Variants in CALHM4 observed in about 807,000 individuals in gnomAD.
CALHM4 encodes the protein calcium homeostasis modulator family member 4.
Under a neutral mutation model 13.3 loss-of-function variants are expected in CALHM4, and 16 were observed. The observed-to-expected ratio is 1.20, with a 90% CI of 0.81 to 1.82. CALHM4 has a LOEUF of 1.82. CALHM4 is among the 40% of genes most tolerant of loss of function. CALHM4 has a pLI of 0.00. For synonymous variants in CALHM4, 127 were observed against 137.1 expected (o/e 0.93, Z 0.52); for missense variants, 344 against 374.9 (o/e 0.92, Z 0.68).
chr6:116,530,942 T>TAC (rs1772676226), intron 1 of CALHM4, among the ~76,000 whole-genome samples: 1 of 137,320 alleles, frequency 7.3e-6, no homozygotes, highest in African/African-American at 2.7e-5. Context: ...TATATATATA[T>TAC]ATGTTACTAA....
chr6:116,550,159 G>A (rs1774009922), upstream of CALHM4, among the ~76,000 whole-genome samples: 1 of 151,596 alleles, frequency 6.6e-6, no homozygotes, highest in Non-Finnish European at 1.5e-5. Flanking sequence ...TATTCCTTGT[G>A]ACACTTTTTA....
At chr6:116,539,979 C>T (rs1336305661) in intron 1 of CALHM4, among the ~76,000 whole-genome samples, 1 of 152,102 alleles carries the variant, frequency 6.6e-6, no homozygotes, top group Non-Finnish European at 1.5e-5. Flanking sequence ...AATGACTAAA[C>T]AATATTCTTT....
At position 116,558,324 on chromosome 6, in the gene CALHM4, G is replaced by A. The variant is rs1774436728; in HGVS notation, c.*113G>A. 7 of 1,107,396 alleles carry A rather than the reference G, an allele frequency of 6.3e-6. No homozygotes were observed. Among genetic ancestry groups the A allele is most frequent in the Non-Finnish European group, 1.3e-6 (1 of 795,470 alleles). 68.6% of individuals were successfully genotyped at this position (1,107,396 alleles called of 1,614,324 possible). Reference sequence around the variant, plus strand: ...ATCTTTTTCTTTCTCTCTGATATTTGTTTACGTAAGTCCATCTCAAATATT... The same window carrying A: ...ATCTTTTTCTTTCTCTCTGATATTTATTTACGTAAGTCCATCTCAAATATT... On this transcript the variant is annotated 3_prime_UTR_variant, in exon 2 of 2. Coordinates refer to ENST00000368596, the MANE Select transcript of CALHM4 (RefSeq NM_001366078.2).
At position 116,540,411 on chromosome 6, in the gene CALHM4, G is replaced by A. The variant is rs373649602; in HGVS notation, c.-108-3354G>A. The stretch of plus-strand genomic sequence containing the variant: ...CTGAATAACTATGGCATCTTCCCAC[G>A]CAGGATCGAGCCAAAAAGTCTTCCA... On this transcript the variant is annotated intron_variant, in intron 1 of 2. Transcript: ENST00000368597. The A allele has an allele frequency of 2.0e-4, 306 of 1,551,254 alleles. No homozygotes were observed. The African/African-American group carries it at 3.6e-3, about 18-fold the overall frequency.
At chr6:116,540,475 G>C in intron 1 of CALHM4, 1 of 1,548,386 alleles carries the variant, frequency 6.5e-7, no homozygotes. Context: ...GTGGATGACG[G>C]AAAGAGTGTG....
chr6:116,545,967 G>T (rs1011839934), intron 2 of CALHM4, among the ~76,000 whole-genome samples: 3 of 152,212 alleles, frequency 2.0e-5, no homozygotes, highest in Non-Finnish European at 2.9e-5. Flanking sequence ...ATTGATTGTT[G>T]TAAGAATTAG....
chr6:116,559,680 A>T lies in CALHM4; in HGVS notation c.*1469A>T, dbSNP rs1774499914. On this transcript the variant is annotated 3_prime_UTR_variant, in exon 2 of 2. Coordinates refer to ENST00000368596, the MANE Select transcript of CALHM4 (RefSeq NM_001366078.2). ...TGGACCCTGGATTTTTTTCATCTAT[A>T]CAATAAAAGGGATGATAATATTTTA... Among the ~76,000 whole-genome samples, 1 of 152,152 alleles carries T rather than the reference A, an allele frequency of 6.6e-6. No homozygotes were observed. The highest frequency in any genetic ancestry group is 2.1e-4 in the South Asian group (1 of 4,828).
chr6:116,545,616 T>G, intron 2 of CALHM4: 2 of 1,058,548 alleles, frequency 1.9e-6, no homozygotes, highest in Non-Finnish European at 1.4e-6. Context: ...TTGTAAGCTC[T>G]TCCTCGCTTT....
At chr6:116,536,919 T>A (rs1773130949) in intron 1 of CALHM4, among the ~76,000 whole-genome samples, 3 of 141,452 alleles carry the variant, frequency 2.1e-5, no homozygotes, top group Non-Finnish European at 4.4e-5. Context: ...AAGATAATGC[T>A]GCCACAGGCC....
chr6:116,535,013 G>C (rs568329430), intron 1 of CALHM4, among the ~76,000 whole-genome samples: 1 of 152,222 alleles, frequency 6.6e-6, no homozygotes, highest in African/African-American at 2.4e-5. Context: ...ATGGACCTGA[G>C]AGCAAAAAGC....
upstream of CALHM4, among the ~76,000 whole-genome samples, chr6:116,548,851 A>G (rs1383506123): frequency 6.6e-6 from 1 of 152,260 alleles, no homozygotes; most frequent in Non-Finnish European, 1.5e-5. Context: ...AATTTATTGA[A>G]TACTGCACTG....
chr6:116,544,851 A>G (rs1773677669), intron 2 of CALHM4, among the ~76,000 whole-genome samples: 1 of 152,088 alleles, frequency 6.6e-6, no homozygotes, highest in Admixed American at 6.6e-5. Context: ...AATTAACAGA[A>G]TTTTAAAGTT....
chr6:116,541,032 A>T (rs2115238714), intron 1 of CALHM4, among the ~76,000 whole-genome samples: 1 of 152,008 alleles, frequency 6.6e-6, no homozygotes, highest in African/African-American at 2.4e-5. Context: ...AGTTCAGAAA[A>T]CTCATTTTTC....
chr6:116,551,436 G>T (rs1327273221), upstream of CALHM4, among the ~76,000 whole-genome samples: 1 of 151,958 alleles, frequency 6.6e-6, no homozygotes, highest in Admixed American at 6.6e-5. Flanking sequence ...TCCTTTTCCT[G>T]AATTATTTCA....
At chr6:116,536,023 A>G (rs1167059927) in intron 1 of CALHM4, among the ~76,000 whole-genome samples, 1 of 152,228 alleles carries the variant, frequency 6.6e-6, no homozygotes. Context: ...ACTTTTATAA[A>G]GAAAATATCA....
At chr6:116,552,968 C>A (rs987602535), upstream of CALHM4, among the ~76,000 whole-genome samples, 3 of 151,930 alleles carry the variant, frequency 2.0e-5, no homozygotes, top group Non-Finnish European at 4.4e-5. Flanking sequence ...CAGCTACTCA[C>A]GAGGCTGAGG....
intron 1 of CALHM4, among the ~76,000 whole-genome samples, chr6:116,540,190 C>T (rs77903124): frequency 0.04 from 6,101 of 152,220 alleles, 323 homozygotes; most frequent in African/African-American, 0.13. Flanking sequence ...TCTTTCAGTT[C>T]ACAGTAGCTT....
chr6:116,535,580 TC>T (rs1773024271), intron 1 of CALHM4, among the ~76,000 whole-genome samples: 1 of 152,224 alleles, frequency 6.6e-6, no homozygotes, highest in Non-Finnish European at 1.5e-5. Context: ...GTTTTTTGGC[TC>T]TTTGACCAGA....
chr6:116,530,013 C>A (rs1772599628), intron 1 of CALHM4, among the ~76,000 whole-genome samples: 1 of 152,118 alleles, frequency 6.6e-6, no homozygotes, highest in South Asian at 2.1e-4. Context: ...TTATGCACAG[C>A]ATTATGATGG....
Sources: gnomAD v4.1 joint callset for allele counts (sites outside exome capture counted in the v4.1 genomes callset) on GRCh38, gnomAD v4.1.1 for gene constraint, MANE v1.5 for transcripts, NCBI Gene and HGNC (gene_info 2026-07-23, HGNC 2026-07-21) for gene names.